The following GNAS variants were observed in gnomAD, a reference collection of about 807,000 sequenced individuals.
GNAS encodes GNAS complex locus.
GNAS carries 8 observed loss-of-function variants against 54.5 expected under a neutral mutation model. That is an observed-to-expected ratio of 0.15 (90% confidence interval 0.09 to 0.26). GNAS has a LOEUF of 0.26. Ranked by LOEUF, GNAS falls within the 10% of genes least tolerant of loss-of-function variation. GNAS has a pLI of 1.00. For missense variants in GNAS, 170 were observed against 529.8 expected (o/e 0.32, Z 6.67); for synonymous variants, 204 against 191.4 (o/e 1.07, Z -0.54).
At chr20:58,887,864 C>G (rs1408580113), upstream of GNAS, among the ~76,000 whole-genome samples, 1 of 152,124 alleles carries the variant, frequency 6.6e-6, no homozygotes, top group African/African-American at 2.4e-5. Flanking sequence ...CAGCAGTGTA[C>G]CTGAAGGGGC....
At chr20:58,840,379 A>C (rs1339610115), upstream of GNAS, 4 of 1,613,450 alleles carry the variant, frequency 2.5e-6, no homozygotes, top group East Asian at 2.2e-5. The surrounding 1 kb of genome is among the most constrained non-coding windows in gnomAD (Gnocchi z 6.0). Context: ...ACGAGGAGGC[A>C]GACCTTGAGC....
Position 58,885,620 on chromosome 20 carries a change from G to GA in GNAS, c.44-9983dup, listed in dbSNP as rs11475102. On this transcript the variant is annotated intron_variant, in intron 1 of 12. Transcript: ENST00000306090. ...AGTTACTAACTAGTGAATATGACAA[G>GA]AAAAAAAAATGTCCTAGATAATCAC... Among the ~76,000 whole-genome samples the GA allele has an allele frequency of 6.0e-5, 9 of 151,142 alleles. 1 individual carries two copies. In the South Asian group the frequency reaches 1.3e-3, roughly 21 times the overall value.
chr20:58,893,076 T>C (rs1236088056), intron 1 of GNAS, among the ~76,000 whole-genome samples: 1 of 135,222 alleles, frequency 7.4e-6, no homozygotes, highest in Non-Finnish European at 1.6e-5. Context: ...CTTTTTTTTT[T>C]TTTTTTTTTT....
intron 1 of GNAS, among the ~76,000 whole-genome samples, chr20:58,875,170 A>C (rs940729056): frequency 6.6e-6 from 1 of 152,188 alleles, no homozygotes; most frequent in Admixed American, 6.5e-5. Context: ...GATTTATAGA[A>C]TTATTAAGTT....
rs2086580594 is a variant in GNAS at position 58,857,786 on chromosome 20, A to G, written c.43+16900A>G. Among the ~76,000 whole-genome samples, 2 of 152,304 alleles carry G rather than the reference A, an allele frequency of 1.3e-5. No individual in the cohort carries two copies. The highest frequency in any genetic ancestry group is 3.9e-4 in the East Asian group (2 of 5,186). On this transcript the variant is annotated intron_variant, in intron 1 of 12. Coordinates refer to the GNAS transcript ENST00000306090. The surrounding 1 kb of genome is among the most constrained non-coding windows in gnomAD (Gnocchi z 4.1). ...TGGGACCAGTCTTAAGAATATTAGA[A>G]GTTTCCTTTGTCTCCCCTTATTTTG...
At chr20:58,880,730 C>A (rs1404615761) in intron 1 of GNAS, among the ~76,000 whole-genome samples, 2 of 152,120 alleles carry the variant, frequency 1.3e-5, no homozygotes. Flanking sequence ...TTTTGCTTTA[C>A]ATGTTTTAGA....
At chr20:58,899,969 T>C (rs1467318078) in intron 3 of GNAS, 1 of 717,648 alleles carries the variant, frequency 1.4e-6, no homozygotes, top group Non-Finnish European at 2.6e-6. Context: ...CCCTAGATGA[T>C]GGCTACAGTT....
chr20:58,846,104 G>T (rs912964475), intron 1 of GNAS, among the ~76,000 whole-genome samples: 1 of 152,110 alleles, frequency 6.6e-6, no homozygotes, highest in Admixed American at 6.5e-5. Context: ...GAATTTGAGG[G>T]ATCACAGAAA....
In GNAS at chr20:58,840,967, C is replaced by G. The variant is rs1354585009; in HGVS notation, c.43+81C>G. 6.9e-7 allele frequency: 1 copy of G among 1,457,598 alleles called. No homozygotes were observed. 90.3% of individuals were successfully genotyped at this position (1,457,598 alleles called of 1,614,324 possible). A position where few individuals can be genotyped will look rare whatever the true frequency, so the allele number is the denominator to read the frequency against. ...GTGGAAAGGAGGTGAGAAGGAAAGGCAGGTCAGGGGCGAGTGGGAAGAGAG... is the reference window on the plus strand; with the variant it reads ...GTGGAAAGGAGGTGAGAAGGAAAGGGAGGTCAGGGGCGAGTGGGAAGAGAG... On this transcript the variant is annotated intron_variant, in intron 1 of 12. Transcript: ENST00000306090. This position sits in a 1 kb window ranked among gnomAD's most constrained non-coding sequence, Gnocchi z 6.0.
In GNAS at chr20:58,892,137, C is replaced by G. The variant is rs534922812; in HGVS notation, c.139+272C>G. 86 of 952,010 alleles carry G rather than the reference C, an allele frequency of 9.0e-5. No individual in the cohort carries two copies. In the African/African-American group the frequency reaches 1.3e-3, roughly 14 times the overall value. The allele number at this position is 952,010 out of a possible 1,614,324, so 59.0% of individuals were successfully genotyped here. A position where few individuals can be genotyped will look rare whatever the true frequency, so the allele number is the denominator to read the frequency against. ...GCCCGCTCAGTGTCTCTCTCTTGCT[C>G]TCGCTCTCGCTCTCCCCCTCTTTCT... On this transcript the variant is annotated intron_variant, in intron 1 of 12. Transcript: ENST00000371085.
rs756848569 is a variant in GNAS, at chr20:58,903,453, C to T, written c.258-78C>T. 1.3e-4 allele frequency: 152 copies of T among 1,163,522 alleles called. No homozygotes were observed. In the East Asian group the frequency reaches 2.4e-3, roughly 18 times the overall value. 72.1% of individuals were successfully genotyped at this position (1,163,522 alleles called of 1,614,324 possible). A position where few individuals can be genotyped will look rare whatever the true frequency, so the allele number is the denominator to read the frequency against. ...AGAACAGAATACTATGCTTTTTAGT[C>T]GGGATGTCTTTATGAAAGCAGTACT... On this transcript the variant is annotated intron_variant, in intron 3 of 12. Transcript: ENST00000371085.
In GNAS at chr20:58,841,442, C is replaced by T. The variant is rs1371986786; in HGVS notation, c.43+556C>T. ...CTGACCACCCGGGAGGGAAGTCACG[C>T]GCGCGCGGCGCCTAAGCAGCTCAGA... is the stretch of plus-strand genomic sequence containing the variant. On this transcript the variant is annotated intron_variant, in intron 1 of 12. Coordinates refer to the GNAS transcript ENST00000306090. The surrounding 1 kb of genome is among the most constrained non-coding windows in gnomAD (Gnocchi z 5.0). 5 of 992,356 alleles carry T rather than the reference C, an allele frequency of 5.0e-6. No homozygotes were observed. The highest frequency in any genetic ancestry group is 4.8e-6 in the Non-Finnish European group (4 of 834,416). The allele number at this position is 992,356 out of a possible 1,614,324, so 61.5% of individuals were successfully genotyped here.
chr20:58,875,588 A>G (rs2087753283), intron 1 of GNAS, among the ~76,000 whole-genome samples: 1 of 152,142 alleles, frequency 6.6e-6, no homozygotes, highest in Admixed American at 6.5e-5. Flanking sequence ...CAATGAGTTG[A>G]CTTTCTTCCA....
upstream of GNAS, chr20:58,889,317 A>C (rs1680845789): frequency 1.0e-6 from 1 of 989,688 alleles, no homozygotes; most frequent in Non-Finnish European, 1.2e-6. Context: ...GGCGGCCGGC[A>C]GGCGCTGCCT....
At position 58,891,497 on chromosome 20, in the gene GNAS, G is replaced by A. The variant is rs1481139625; in HGVS notation, c.-230G>A. 2.1e-6 allele frequency: 2 copies of A among 970,200 alleles called. No individual in the cohort carries two copies. The highest frequency in any genetic ancestry group is 2.4e-6 in the Non-Finnish European group (2 of 818,736). 60.1% of individuals were successfully genotyped at this position (970,200 alleles called of 1,614,324 possible). ...CAGCCCCCTCGGCCTCGGCTCGAGG[G>A]GCGGGGAGCTGCGCGCGCCCCTCGG... On this transcript the variant is annotated 5_prime_UTR_variant, in exon 1 of 13. Coordinates refer to ENST00000371085, the MANE Select transcript of GNAS (RefSeq NM_000516.7).
intron 1 of GNAS, chr20:58,895,410 A>G (rs2089952431): frequency 1.7e-6 from 1 of 590,822 alleles, no homozygotes; most frequent in Admixed American, 2.8e-5. Flanking sequence ...TTGGATGGTG[A>G]AATACTGCAG....
At position 58,856,666 on chromosome 20, in the gene GNAS, G is replaced by A. The variant is rs2086529064; in HGVS notation, c.43+15780G>A. 2.0e-5 allele frequency: 3 copies of A among 152,202 alleles called. No individual in the cohort carries two copies. Among genetic ancestry groups the A allele is most frequent in the Admixed American group, 6.5e-5 (1 of 15,284 alleles). 9.4% of individuals were successfully genotyped at this position (152,202 alleles called of 1,614,324 possible). A position where few individuals can be genotyped will look rare whatever the true frequency, so the allele number is the denominator to read the frequency against. ...AGGCAGCTTTAGCTGGGGGCAAAGA[G>A]GCTTGTCAAAGGTAAGGTCTTCTGC... On this transcript the variant is annotated intron_variant, in intron 1 of 12. Coordinates refer to the GNAS transcript ENST00000306090. This position sits in a 1 kb window ranked among gnomAD's most constrained non-coding sequence, Gnocchi z 4.2.
chr20:58,892,185 G>T, intron 1 of GNAS: 1 of 973,830 alleles, frequency 1.0e-6, no homozygotes, highest in Non-Finnish European at 1.2e-6. Context: ...TTTTCCGCGA[G>T]GCCTACACGA....
At chr20:58,908,872 C>T (rs1300388571) in intron 6 of GNAS, 2 of 525,492 alleles carry the variant, frequency 3.8e-6, no homozygotes, top group Non-Finnish European at 6.9e-6. Context: ...CCGTGCTGTG[C>T]TGTTTGTGTG....
Sources: allele counts gnomAD v4.1 joint callset (sites outside exome capture counted in the v4.1 genomes callset), GRCh38; gene constraint gnomAD v4.1.1; non-coding constraint Gnocchi (gnomAD v3.1); transcripts MANE v1.5; gene names NCBI Gene and HGNC (gene_info 2026-07-23, HGNC 2026-07-21).